The following UBR3 variants were observed in gnomAD, a reference collection of about 807,000 sequenced individuals.
The protein encoded by UBR3 is E3 ubiquitin-protein ligase UBR3.
A neutral mutation model predicts 243.2 loss-of-function variants in UBR3; 85 were observed. The observed-to-expected ratio is 0.35, with a 90% CI of 0.29 to 0.42. The LOEUF (loss-of-function observed/expected upper bound fraction) is 0.42, where lower values mean the gene tolerates loss of function less well. UBR3 is among the 10% of genes least tolerant of loss of function. The probability of loss-of-function intolerance (pLI) is 1.00; values close to 1 mark genes in which losing one functional copy is unlikely to be tolerated. For missense variants in UBR3, 1,686 were observed against 2,300.8 expected (o/e 0.73, Z 5.47); for synonymous variants, 748 against 799.8 (o/e 0.94, Z 1.09).
At chr2:169,926,630 A>T in intron 14 of UBR3, 62 bp from the exon 15 acceptor site, 4 of 1,446,580 alleles carry the variant, frequency 2.8e-6, no homozygotes, top group African/African-American at 1.4e-5. Context: ...ATAGAAAAAC[A>T]TGATTAATAG....
rs1005013771 is a variant in UBR3, at chr2:170,002,239, A to G, written c.4029+825A>G. Among the ~76,000 whole-genome samples, 6 of 152,208 alleles carry G rather than the reference A, an allele frequency of 3.9e-5. No homozygotes were observed. The South Asian group carries it at 1.2e-3, about 31-fold the overall frequency. On this transcript the variant is annotated intron_variant, in intron 27 of 38. Transcript: ENST00000272793. ...ATCAGCCTCCTTTGATTTTAGACCCAGTCAGCTATCCCAGCTTGAAAAGTC... is the reference window on the plus strand; with the variant it reads ...ATCAGCCTCCTTTGATTTTAGACCCGGTCAGCTATCCCAGCTTGAAAAGTC...
At chr2:170,077,431 G>T in intron 36 of UBR3, 1 of 1,487,308 alleles carries the variant, frequency 6.7e-7, no homozygotes, top group Non-Finnish European at 9.0e-7. Flanking sequence ...TAGGCAAAAG[G>T]TGGCTTTCAG....
intron 13 of UBR3, 86 bp downstream of exon 13, chr2:169,924,259 TATAGCTGAGATG>T: frequency 9.8e-7 from 1 of 1,021,154 alleles, no homozygotes; most frequent in Non-Finnish European, 1.4e-6. Flanking sequence ...TCATTGTTAT[TATAGCTGAGATG>T]TTTGAAAACT....
intron 11 of UBR3, 39 bp from the exon 12 acceptor site, chr2:169,923,887 TAAA>T: frequency 1.3e-6 from 2 of 1,481,588 alleles, no homozygotes; most frequent in Non-Finnish European, 1.8e-6. Flanking sequence ...AAAATTTCTA[TAAA>T]ATAGTCTTTG....
chr2:169,948,153 T>C (rs2086859030), intron 22 of UBR3, among the ~76,000 whole-genome samples: 3 of 151,848 alleles, frequency 2.0e-5, no homozygotes, highest in African/African-American at 7.2e-5. Flanking sequence ...AAAATAATAC[T>C]GAGTATAATA....
rs569340239 is a variant in UBR3, at chr2:169,877,210, C to T, written c.845-284C>T. Among the ~76,000 whole-genome samples the T allele has an allele frequency of 6.6e-5, 10 of 152,280 alleles. No individual in the cohort carries two copies. The East Asian group carries it at 7.7e-4, about 12-fold the overall frequency. On this transcript the variant is annotated intron_variant, in intron 3 of 38. Transcript: ENST00000272793. Reference sequence around the variant, plus strand: ...GTAATTTTCAGGTTCCTTTAAAGTTCGGATCATGTCTTATTAATTCTTGTG... The same window carrying T: ...GTAATTTTCAGGTTCCTTTAAAGTTTGGATCATGTCTTATTAATTCTTGTG...
At chr2:169,857,594 T>A (rs1237844476) in intron 1 of UBR3, among the ~76,000 whole-genome samples, 3 of 151,696 alleles carry the variant, frequency 2.0e-5, no homozygotes, top group Admixed American at 1.3e-4. Flanking sequence ...TGTTTTTTTT[T>A]TTTTTTATTT....
intron 36 of UBR3, 59 bp from the exon 37 acceptor site, chr2:170,079,755 A>G: frequency 1.4e-6 from 2 of 1,418,168 alleles, no homozygotes; most frequent in Non-Finnish European, 1.9e-6. Flanking sequence ...TTTAAAAAAT[A>G]TATTGTGTTA....
intron 31 of UBR3, 124 bp from the exon 32 acceptor site, chr2:170,040,758 T>C (rs1285465120): frequency 2.5e-6 from 2 of 813,138 alleles, no homozygotes; most frequent in Non-Finnish European, 3.6e-6. Flanking sequence ...AGGTTTTTTT[T>C]TACATTTCTT....
At position 169,928,919 on chromosome 2, in the gene UBR3, T is replaced by C. The variant is rs144270102; in HGVS notation, c.2566+51T>C. 54 of 1,288,264 alleles carry C rather than the reference T, an allele frequency of 4.2e-5. No individual in the cohort carries two copies. The East Asian group carries it at 1.1e-3, about 26-fold the overall frequency. 79.8% of individuals were successfully genotyped at this position (1,288,264 alleles called of 1,614,324 possible). On this transcript the variant is annotated intron_variant, in intron 18 of 38. Coordinates refer to ENST00000272793, the MANE Select transcript of UBR3 (RefSeq NM_172070.4). ...CTTTCAAATATCAGTTCTTGAATGGTGAATTCTTCTGTGTATTAAAAGAAA... is the reference window on the plus strand; with the variant it reads ...CTTTCAAATATCAGTTCTTGAATGGCGAATTCTTCTGTGTATTAAAAGAAA...
At chr2:169,857,065 T>TG (rs2082904230) in intron 1 of UBR3, among the ~76,000 whole-genome samples, 1 of 44,172 alleles carries the variant, frequency 2.3e-5, no homozygotes, top group Admixed American at 2.7e-4. Context: ...TTTTATTATG[T>TG]TTTTTTTTTT....
At chr2:169,905,000 G>T in intron 8 of UBR3, 114 bp from the exon 9 acceptor site, 1 of 815,288 alleles carries the variant, frequency 1.2e-6, no homozygotes, top group Non-Finnish European at 1.7e-6. Flanking sequence ...TAAATGGAAG[G>T]CTGGGGTTTG....
chr2:169,883,793 A>G (rs1224702128), intron 5 of UBR3, among the ~76,000 whole-genome samples: 1 of 152,224 alleles, frequency 6.6e-6, no homozygotes, highest in Non-Finnish European at 1.5e-5. Context: ...AGTAGTTACT[A>G]TTGTACATCA....
At chr2:170,075,582 A>T (rs918524089) in intron 36 of UBR3, among the ~76,000 whole-genome samples, 1 of 152,166 alleles carries the variant, frequency 6.6e-6, no homozygotes, top group African/African-American at 2.4e-5. Flanking sequence ...TTAATTTATT[A>T]ATTTATGCTA....
chr2:169,941,416 A>G (rs551363675), intron 19 of UBR3, among the ~76,000 whole-genome samples: 6 of 152,184 alleles, frequency 3.9e-5, no homozygotes, highest in Non-Finnish European at 7.3e-5. Context: ...AATTATAACA[A>G]TACTCCGAAT....
At chr2:169,872,912 T>C (rs1404127953) in intron 2 of UBR3, among the ~76,000 whole-genome samples, 1 of 152,116 alleles carries the variant, frequency 6.6e-6, no homozygotes, top group Non-Finnish European at 1.5e-5. Context: ...TTACAGATGT[T>C]CTTCTTACTT....
chr2:169,874,825 C>T (rs1326370618), intron 2 of UBR3, among the ~76,000 whole-genome samples: 1 of 152,128 alleles, frequency 6.6e-6, no homozygotes, highest in East Asian at 1.9e-4. Flanking sequence ...CACACAGGTT[C>T]TCCATTACCT....
At chr2:170,034,669 G>A (rs2090776878) in intron 31 of UBR3, among the ~76,000 whole-genome samples, 1 of 150,956 alleles carries the variant, frequency 6.6e-6, no homozygotes, top group African/African-American at 2.4e-5. Context: ...TAAGTTTTCA[G>A]CTTTTTTGGG....
chr2:170,077,835 C>T, intron 36 of UBR3: 1 of 304,400 alleles, frequency 3.3e-6, no homozygotes, highest in Non-Finnish European at 6.1e-6. Context: ...ATCTGCCTAC[C>T]TTGGCCTCCC....
Sources: allele counts gnomAD v4.1 joint callset (sites outside exome capture counted in the v4.1 genomes callset), GRCh38; gene constraint gnomAD v4.1.1; transcripts MANE v1.5; gene names NCBI Gene and HGNC (gene_info 2026-07-23, HGNC 2026-07-21).